The following PVALEF variants were observed in gnomAD, a reference collection of about 807,000 sequenced individuals.
The protein encoded by PVALEF is parvalbumin-like EF-hand-containing protein.
Under a neutral mutation model 1.2 loss-of-function variants are expected in PVALEF, and 2 were observed. The ratio of observed to expected loss-of-function variants is 1.68; its 90% CI spans 0.69 to 5.28. The LOEUF (loss-of-function observed/expected upper bound fraction) is 5.28. Ranked by LOEUF, PVALEF falls within the 30% of genes most tolerant of loss-of-function variation. PVALEF has a pLI of 0.06. For missense variants in PVALEF, 35 were observed against 17.7 expected, an observed-to-expected ratio of 1.97 and a Z score of -1.75; for synonymous variants, 16 against 6.5, an observed-to-expected ratio of 2.47 and a Z score of -2.24.
intron 1 of PVALEF, chr17:81,166,133 A>G (rs1251221472): frequency 4.9e-5 from 16 of 325,446 alleles, no homozygotes; most frequent in African/African-American, 2.3e-5. Flanking sequence ...CCCCCGCCGC[A>G]GCCGCAGAGC....
chr17:81,168,138 G>A (rs1289752259), intron 2 of PVALEF, among the ~76,000 whole-genome samples: 1 of 152,216 alleles, frequency 6.6e-6, no homozygotes, highest in Non-Finnish European at 1.5e-5. Context: ...GCAGGGGGAG[G>A]TGGCCAGTGG....
intron 2 of PVALEF, among the ~76,000 whole-genome samples, chr17:81,170,104 GTGTC>G (rs1023121991): frequency 7.4e-4 from 112 of 150,732 alleles, no homozygotes; most frequent in African/African-American, 2.6e-3. Context: ...GTTGGTTTGT[GTGTC>G]TGCATATGTG....
chr17:81,181,526 G>T (rs1251694584), intron 4 of PVALEF, 33 bp from the exon 5 acceptor site: 1 of 474,338 alleles, frequency 2.1e-6, no homozygotes, highest in Non-Finnish European at 3.7e-6. Context: ...AAGTGAGGTG[G>T]GCCCCTCCGT....
intron 1 of PVALEF, 109 bp from the exon 2 acceptor site, chr17:81,166,568 T>C (rs1158876867): frequency 1.2e-5 from 1 of 86,618 alleles, no homozygotes; most frequent in Non-Finnish European, 2.5e-5. Flanking sequence ...AACGCCGGGG[T>C]GGGGGAGGGG....
Position 81,165,652 on chromosome 17 carries a change from G to A in PVALEF, c.-603G>A, listed in dbSNP as rs1279220405. 1 of 1,489,168 alleles carries A rather than the reference G, an allele frequency of 6.7e-7. No homozygotes were observed. Among genetic ancestry groups the A allele is most frequent in the Non-Finnish European group, 9.0e-7 (1 of 1,117,090 alleles). The allele number at this position is 1,489,168 out of a possible 1,614,324, so 92.2% of individuals were successfully genotyped here. A position where few individuals can be genotyped will look rare whatever the true frequency, so the allele number is the denominator to read the frequency against. The stretch of plus-strand genomic sequence containing the variant: ...AGACCAACTCTCCTGGACACCAGGG[G>A]CCCACGCAGGCCCTCCGTGCCCCAG... On this transcript the variant is annotated 5_prime_UTR_variant, in exon 1 of 7. Coordinates refer to ENST00000637878, the MANE Select transcript of PVALEF (RefSeq NM_001354639.2).
chr17:81,182,681 TGA>T (rs1405080607), intron 6 of PVALEF, among the ~76,000 whole-genome samples: 4 of 152,206 alleles, frequency 2.6e-5, no homozygotes, highest in African/African-American at 7.2e-5. Context: ...TGGGAATTCC[TGA>T]GAGTCTCTGC....
At position 81,165,609 on chromosome 17, in the gene PVALEF, C is replaced by G. The variant is rs1479026907; in HGVS notation, c.-646C>G. 3 of 1,417,862 alleles carry G rather than the reference C, an allele frequency of 2.1e-6. No individual in the cohort carries two copies. The highest frequency in any genetic ancestry group is 6.4e-5 in the East Asian group (2 of 31,018). The allele number at this position is 1,417,862 out of a possible 1,614,324, so 87.8% of individuals were successfully genotyped here. On this transcript the variant is annotated 5_prime_UTR_variant, in exon 1 of 7. Coordinates refer to ENST00000637878, the MANE Select transcript of PVALEF (RefSeq NM_001354639.2). ...CAGCTGGCTGACACCCCCCACACCC[C>G]CAAGGGCCCTTAGTCTGAGACCAAC...
chr17:81,167,183 C>T (rs2061499814), intron 2 of PVALEF, among the ~76,000 whole-genome samples: 1 of 152,200 alleles, frequency 6.6e-6, no homozygotes, highest in Non-Finnish European at 1.5e-5. Flanking sequence ...GTCTCAGCTA[C>T]TTGGGAGGCT....
At chr17:81,166,291 T>G (rs1448721678) in intron 1 of PVALEF, among the ~76,000 whole-genome samples, 15 of 34,332 alleles carry the variant, frequency 4.4e-4, no homozygotes, top group East Asian at 9.6e-4. Flanking sequence ...CGGGGTGGCA[T>G]GGGGGGAGCA....
At position 81,166,782 on chromosome 17, in the gene PVALEF, C is replaced by T. The variant is rs757326962; in HGVS notation, c.-402C>T. ...TTTGCACACAGGCCTGCTCCTGTAC[C>T]GTGCTGCGACAGCCATGAAGGAAGA... On this transcript the variant is annotated 5_prime_UTR_variant, in exon 2 of 7. Coordinates refer to ENST00000637878, the MANE Select transcript of PVALEF (RefSeq NM_001354639.2). 1 of 456,244 alleles carries T rather than the reference C, an allele frequency of 2.2e-6. No individual in the cohort carries two copies. Among genetic ancestry groups the T allele is most frequent in the East Asian group, 7.0e-5 (1 of 14,336 alleles). 28.3% of individuals were successfully genotyped at this position (456,244 alleles called of 1,614,324 possible).
At position 81,182,908 on chromosome 17, in the gene PVALEF, C is replaced by T. The variant is rs1024250743; in HGVS notation, c.359-57C>T. The T allele has an allele frequency of 8.0e-5, 32 of 398,416 alleles. 1 individual carries two copies. The highest frequency in any genetic ancestry group is 1.3e-4 in the Non-Finnish European group (30 of 225,988). 24.7% of individuals were successfully genotyped at this position (398,416 alleles called of 1,614,324 possible). A position where few individuals can be genotyped will look rare whatever the true frequency, so the allele number is the denominator to read the frequency against. ...CCTCCTCTGAGAGTTAAAGGGCCTA[C>T]AGGAACTGGGGGACACAAAACAGGG... On this transcript the variant is annotated intron_variant, in intron 6 of 6. Transcript: ENST00000637878.
At chr17:81,181,377 C>T (rs1415452849) in intron 4 of PVALEF, 45 bp downstream of exon 4, 1 of 619,334 alleles carries the variant, frequency 1.6e-6, no homozygotes, top group Non-Finnish European at 2.9e-6. Context: ...CCGTCCAGCC[C>T]CGCTGTGGTC....
chr17:81,172,372 A>G (rs2146445195), intron 2 of PVALEF, among the ~76,000 whole-genome samples: 1 of 152,338 alleles, frequency 6.6e-6, no homozygotes. Context: ...TAACGTGAAC[A>G]TGGCCAAGGA....
At chr17:81,169,212 C>T (rs2061509507) in intron 2 of PVALEF, among the ~76,000 whole-genome samples, 1 of 152,210 alleles carries the variant, frequency 6.6e-6, no homozygotes, top group South Asian at 2.1e-4. Flanking sequence ...GAGGTGATGG[C>T]TGCCCACCCT....
chr17:81,165,922 GC>G, intron 1 of PVALEF, 175 bp downstream of exon 1: 9 of 1,573,334 alleles, frequency 5.7e-6, no homozygotes, highest in Non-Finnish European at 7.8e-6. Context: ...CGCAGGCCGG[GC>G]CGCCAGGGAC....
At position 81,165,559 on chromosome 17, in the gene PVALEF, G is replaced by A. The variant is rs2061476865; in HGVS notation, c.-696G>A. 3 of 1,101,880 alleles carry A rather than the reference G, an allele frequency of 2.7e-6. No homozygotes were observed. Among genetic ancestry groups the A allele is most frequent in the Non-Finnish European group, 3.7e-6 (3 of 804,394 alleles). 68.3% of individuals were successfully genotyped at this position (1,101,880 alleles called of 1,614,324 possible). On this transcript the variant is annotated 5_prime_UTR_variant, in exon 1 of 7. Transcript: ENST00000637878. Reference sequence around the variant, plus strand: ...TCCCACGCCAGGGCCCCGGACCCAGGAGAGGCCATGGAAAGCCTGAACCCC... The same window carrying A: ...TCCCACGCCAGGGCCCCGGACCCAGAAGAGGCCATGGAAAGCCTGAACCCC...
intron 1 of PVALEF, 117 bp from the exon 2 acceptor site, chr17:81,166,560 C>T (rs1218709484): frequency 1.3e-5 from 3 of 226,248 alleles, no homozygotes; most frequent in Non-Finnish European, 2.6e-5. Context: ...ACGGAGGGAA[C>T]GCCGGGGTGG....
At chr17:81,171,467 T>TA (rs2061520181) in intron 2 of PVALEF, among the ~76,000 whole-genome samples, 1 of 152,322 alleles carries the variant, frequency 6.6e-6, no homozygotes, top group East Asian at 1.9e-4. Context: ...GGTCTCGTTT[T>TA]ATTAAAAGCA....
chr17:81,179,853 G>A (rs1396034235), intron 3 of PVALEF, among the ~76,000 whole-genome samples: 1 of 152,178 alleles, frequency 6.6e-6, no homozygotes, highest in African/African-American at 2.4e-5. Flanking sequence ...CAGCCTGGAG[G>A]CTCCAGGATC....
Sources: gnomAD v4.1 joint callset for allele counts (sites outside exome capture counted in the v4.1 genomes callset) on GRCh38, gnomAD v4.1.1 for gene constraint, MANE v1.5 for transcripts, NCBI Gene and HGNC (gene_info 2026-07-23, HGNC 2026-07-21) for gene names.